CMIP: variants seen among roughly 807,000 people sequenced by gnomAD.
The protein encoded by CMIP is c-Maf inducing protein.
Under a neutral mutation model 97.3 loss-of-function variants are expected in CMIP, and 13 were observed. The ratio of observed to expected loss-of-function variants is 0.13; its 90% CI spans 0.09 to 0.21. The LOEUF (loss-of-function observed/expected upper bound fraction) is 0.21. Ranked by LOEUF, CMIP falls within the 10% of genes least tolerant of loss-of-function variation. The probability of loss-of-function intolerance (pLI) is 1.00; values close to 1 mark genes in which losing one functional copy is unlikely to be tolerated. For missense variants in CMIP, 847 were observed against 1,024.9 expected (o/e 0.83, Z 2.37); for synonymous variants, 538 against 436.3 (o/e 1.23, Z -2.91).
At chr16:81,503,581 A>G (rs867263532) in intron 1 of CMIP, among the ~76,000 whole-genome samples, 5 of 152,122 alleles carry the variant, frequency 3.3e-5, no homozygotes, top group African/African-American at 9.6e-5. Context: ...ATTTTTTTGT[A>G]CAGACAGGTC....
At chr16:81,705,668 C>T in intron 19 of CMIP, 64 bp downstream of exon 19, 1 of 1,083,240 alleles carries the variant, frequency 9.2e-7, no homozygotes, top group Non-Finnish European at 1.4e-6. Flanking sequence ...CTTGCTTCAG[C>T]CAAACTGGCC....
At chr16:81,579,946 C>T (rs531986762) in intron 1 of CMIP, among the ~76,000 whole-genome samples, 2 of 152,122 alleles carry the variant, frequency 1.3e-5, no homozygotes, top group Non-Finnish European at 2.9e-5. Flanking sequence ...GGCGACAGTG[C>T]GAGACTCCGT....
chr16:81,711,264 A>G lies in CMIP; in HGVS notation c.*1465A>G, dbSNP rs1228739493. The stretch of plus-strand genomic sequence containing the variant: ...GCACCTCCAAACCTACCCCACAGTC[A>G]GTGTACTTGTTTTATATATATTTAA... On this transcript the variant is annotated 3_prime_UTR_variant, in exon 21 of 21. Transcript: ENST00000537098. The G allele has an allele frequency of 1.3e-5, 2 of 151,656 alleles. No homozygotes were observed. The highest frequency in any genetic ancestry group is 4.8e-5 in the African/African-American group (2 of 41,284). The allele number at this position is 151,656 out of a possible 1,614,324, so 9.4% of individuals were successfully genotyped here. A position where few individuals can be genotyped will look rare whatever the true frequency, so the allele number is the denominator to read the frequency against.
At chr16:81,657,884 GT>G in intron 5 of CMIP, 68 bp downstream of exon 5, 2 of 1,373,194 alleles carry the variant, frequency 1.5e-6, no homozygotes, top group South Asian at 2.6e-5. Context: ...CCTTTTCCTG[GT>G]TTGGGGTAAT....
At chr16:81,582,041 A>G (rs983311580) in intron 1 of CMIP, among the ~76,000 whole-genome samples, 2 of 152,184 alleles carry the variant, frequency 1.3e-5, no homozygotes, top group African/African-American at 4.8e-5. Context: ...TGGCTTGAGC[A>G]GGACGAAGAG....
intron 1 of CMIP, among the ~76,000 whole-genome samples, chr16:81,465,250 G>A (rs898191045): frequency 8.5e-5 from 13 of 152,164 alleles, no homozygotes; most frequent in Admixed American, 2.6e-4. Flanking sequence ...TGCATGTGCC[G>A]TTTTTTCCAT....
chr16:81,487,172 G>C (rs531780221), intron 1 of CMIP, among the ~76,000 whole-genome samples: 1 of 152,330 alleles, frequency 6.6e-6, no homozygotes, highest in East Asian at 1.9e-4. Context: ...TGAACCGGGG[G>C]GGGTGTGGGG....
intron 1 of CMIP, among the ~76,000 whole-genome samples, chr16:81,473,726 A>G (rs951687567): frequency 4.0e-5 from 6 of 151,656 alleles, no homozygotes; most frequent in African/African-American, 1.2e-4. Context: ...GCGGGGACGC[A>G]GGGACGCATT....
At chr16:81,640,000 A>G (rs780734819) in intron 3 of CMIP, among the ~76,000 whole-genome samples, 21 of 152,184 alleles carry the variant, frequency 1.4e-4, no homozygotes, top group Admixed American at 2.6e-4. Flanking sequence ...GTGAGAGGAC[A>G]GCTTGGGGCC....
rs544480247 is a variant in CMIP at position 81,516,889 on chromosome 16, C to G, written c.300+71348C>G. Among the ~76,000 whole-genome samples, 3 of 152,228 alleles carry G rather than the reference C, an allele frequency of 2.0e-5. No homozygotes were observed. The East Asian group carries it at 5.8e-4, about 29-fold the overall frequency. On this transcript the variant is annotated intron_variant, in intron 1 of 20. Transcript: ENST00000537098. ...CCAAGGTCTTCAGTGAAAAACCACA[C>G]GGCCTTCAAGGTCATCGGTGAAAAA...
Position 81,557,083 on chromosome 16 carries a change from T to A in CMIP, c.301-50484T>A, listed in dbSNP as rs528438164. The stretch of plus-strand genomic sequence containing the variant: ...TCTTGCTTGTGACGAAAATGTTCCA[T>A]GGTCTGAAAGGTGTCAACACCAAGG... On this transcript the variant is annotated intron_variant, in intron 1 of 20. Coordinates refer to ENST00000537098, the MANE Select transcript of CMIP (RefSeq NM_198390.3). 6.6e-5 allele frequency among the ~76,000 whole-genome samples: 10 copies of A among 152,340 alleles called. No homozygotes were observed. The East Asian group carries it at 1.9e-3, about 29-fold the overall frequency.
chr16:81,467,590 T>A (rs866717287), intron 1 of CMIP, among the ~76,000 whole-genome samples: 7 of 151,792 alleles, frequency 4.6e-5, no homozygotes, highest in South Asian at 2.1e-4. Flanking sequence ...TCTTTATTTT[T>A]TTTTTTTTGA....
Position 81,699,668 on chromosome 16 carries a change from G to A in CMIP, c.1639-17G>A, listed in dbSNP as rs779015706. 6.5e-6 allele frequency: 10 copies of A among 1,547,948 alleles called. No individual in the cohort carries two copies. The East Asian group carries it at 2.0e-4, about 31-fold the overall frequency. On this transcript the variant is annotated splice_polypyrimidine_tract_variant and intron_variant, in intron 14 of 20. Coordinates refer to ENST00000537098, the MANE Select transcript of CMIP (RefSeq NM_198390.3). ...TGGGTGTCTCTGTCCCTTCACCTGGGCCTTCTTGCCTCACAGGTGCACATC... is the reference window on the plus strand; with the variant it reads ...TGGGTGTCTCTGTCCCTTCACCTGGACCTTCTTGCCTCACAGGTGCACATC...
At position 81,486,652 on chromosome 16, in the gene CMIP, G is replaced by A. The variant is rs189202771; in HGVS notation, c.300+41111G>A. Among the ~76,000 whole-genome samples, 4 of 152,238 alleles carry A rather than the reference G, an allele frequency of 2.6e-5. No homozygotes were observed. The East Asian group carries it at 5.8e-4, about 22-fold the overall frequency. On this transcript the variant is annotated intron_variant, in intron 1 of 20. Coordinates refer to ENST00000537098, the MANE Select transcript of CMIP (RefSeq NM_198390.3). ...GCTGGAGTGGGCCGGCCCATTGCCC[G>A]GTCCCCAGAGAGAGCCAGACTCCCC...
chr16:81,623,110 G>T (rs1390949962), intron 3 of CMIP, among the ~76,000 whole-genome samples: 3 of 152,162 alleles, frequency 2.0e-5, no homozygotes, highest in African/African-American at 7.2e-5. Context: ...AGGCTGAGGT[G>T]GGAGGATCAC....
At chr16:81,630,561 T>C (rs2092142665) in intron 3 of CMIP, 1 of 152,244 alleles carries the variant, frequency 6.6e-6, no homozygotes, top group African/African-American at 2.4e-5. Context: ...CGTGGGGTTT[T>C]CTCACAGAAG....
At chr16:81,467,684 G>A (rs1907288175) in intron 1 of CMIP, among the ~76,000 whole-genome samples, 1 of 150,992 alleles carries the variant, frequency 6.6e-6, no homozygotes, top group South Asian at 2.1e-4. Context: ...AGGTTCAAGC[G>A]ATTCTCTTGC....
chr16:81,536,948 G>C (rs905692365), intron 1 of CMIP, among the ~76,000 whole-genome samples: 1 of 152,158 alleles, frequency 6.6e-6, no homozygotes, highest in Non-Finnish European at 1.5e-5. Flanking sequence ...GCTCTCCCCA[G>C]GGGTAACTGC....
rs1907568150 is a variant in CMIP, at chr16:81,702,790, C to A, written c.1944+121C>A. 3.6e-6 allele frequency: 3 copies of A among 826,360 alleles called. No homozygotes were observed. In the South Asian group the frequency reaches 4.4e-5, roughly 12 times the overall value. 51.2% of individuals were successfully genotyped at this position (826,360 alleles called of 1,614,324 possible). On this transcript the variant is annotated intron_variant, in intron 17 of 20. Transcript: ENST00000537098. ...GGTGATGGAGGGCGGGGCACAAGGA[C>A]CCCCTAGTACTTAACACGCCAGCTC...
Sources: allele counts gnomAD v4.1 joint callset (sites outside exome capture counted in the v4.1 genomes callset), GRCh38; gene constraint gnomAD v4.1.1; transcripts MANE v1.5; gene names NCBI Gene and HGNC (gene_info 2026-07-23, HGNC 2026-07-21).